FCHSD2: variants seen among roughly 807,000 people sequenced by gnomAD.
FCHSD2 encodes FCH and double SH3 domains 2, also known as F-BAR and double SH3 domains protein 2.
A neutral mutation model predicts 108.1 loss-of-function variants in FCHSD2; 38 were observed. That is an observed-to-expected ratio of 0.35 (90% CI 0.27 to 0.46). FCHSD2 has a LOEUF of 0.46. Among genes scored for constraint, FCHSD2 ranks in the 20% least tolerant of loss-of-function variants. The probability of loss-of-function intolerance (pLI) is 1.00; values close to 1 mark genes in which losing one functional copy is unlikely to be tolerated. For missense variants in FCHSD2, 751 were observed against 897.8 expected (o/e 0.84, Z 2.09); for synonymous variants, 279 against 314.7 (o/e 0.89, Z 1.20).
intron 13 of FCHSD2, among the ~76,000 whole-genome samples, chr11:72,862,383 G>A (rs924242558): frequency 6.6e-6 from 1 of 152,202 alleles, no homozygotes. Flanking sequence ...TAATAAGTGA[G>A]TTTAGCAAGA....
intron 3 of FCHSD2, among the ~76,000 whole-genome samples, chr11:73,016,188 A>G (rs2135433719): frequency 6.6e-6 from 1 of 152,092 alleles, no homozygotes; most frequent in Middle Eastern, 3.4e-3. Context: ...CTGTAGTCCC[A>G]GCTACTTGGG....
intron 8 of FCHSD2, among the ~76,000 whole-genome samples, chr11:72,926,189 G>A (rs1856072304): frequency 6.6e-6 from 1 of 152,152 alleles, no homozygotes; most frequent in East Asian, 1.9e-4. Context: ...GGGAGGGCCT[G>A]AAGACTGGGG....
intron 3 of FCHSD2, among the ~76,000 whole-genome samples, chr11:73,075,461 G>A (rs1042820030): frequency 6.6e-6 from 1 of 152,158 alleles, no homozygotes; most frequent in Non-Finnish European, 1.5e-5. Context: ...ACTAGAACTA[G>A]AACCTTCATG....
intron 5 of FCHSD2, among the ~76,000 whole-genome samples, chr11:72,992,017 G>A (rs1327113979): frequency 3.9e-5 from 6 of 152,136 alleles, no homozygotes; most frequent in East Asian, 3.8e-4. Flanking sequence ...AAACCCCATC[G>A]TCTCAGCCCA....
intron 3 of FCHSD2, among the ~76,000 whole-genome samples, chr11:73,034,057 T>C (rs1258854858): frequency 6.6e-6 from 1 of 152,202 alleles, no homozygotes; most frequent in East Asian, 1.9e-4. Flanking sequence ...CTTTTTTCTT[T>C]CTAAAGTTTT....
At chr11:72,983,211 GT>G (rs1314366154) in intron 8 of FCHSD2, among the ~76,000 whole-genome samples, 1 of 150,914 alleles carries the variant, frequency 6.6e-6, no homozygotes, top group Non-Finnish European at 1.5e-5. Flanking sequence ...GGAGAATGGC[GT>G]GAACCCGGGA....
At position 72,904,070 on chromosome 11, in the gene FCHSD2, T is replaced by C. The variant is rs531667620; in HGVS notation, c.829-1432A>G. ...CATAATTAAAATACACCACGGAGTG[T>C]GTAAAGGGTACGAGAAGAGAACAAG... On this transcript the variant is annotated intron_variant, in intron 9 of 19. Coordinates refer to ENST00000409418, the MANE Select transcript of FCHSD2 (RefSeq NM_014824.3). Among the ~76,000 whole-genome samples, 11 of 152,230 alleles carry C rather than the reference T, an allele frequency of 7.2e-5. No individual in the cohort carries two copies. In the South Asian group the frequency reaches 2.3e-3, roughly 32 times the overall value.
intron 2 of FCHSD2, among the ~76,000 whole-genome samples, chr11:73,107,769 G>A (rs1860380192): frequency 6.6e-6 from 1 of 152,158 alleles, no homozygotes; most frequent in African/African-American, 2.4e-5. Flanking sequence ...TGTTGCAAAG[G>A]ACAGAATCTC....
intron 8 of FCHSD2, among the ~76,000 whole-genome samples, chr11:72,962,010 T>C: frequency 6.6e-6 from 1 of 152,252 alleles, no homozygotes; most frequent in East Asian, 1.9e-4. Context: ...TAAGCATTGT[T>C]ATTGAAACCT....
intron 3 of FCHSD2, among the ~76,000 whole-genome samples, chr11:73,040,456 C>T (rs1858608034): frequency 6.6e-6 from 1 of 152,120 alleles, no homozygotes; most frequent in Admixed American, 6.5e-5. Flanking sequence ...TCTCAAACAC[C>T]ATACAGTTTA....
chr11:72,918,447 C>T (rs1177288677), intron 9 of FCHSD2, among the ~76,000 whole-genome samples: 1 of 151,916 alleles, frequency 6.6e-6, no homozygotes, highest in Non-Finnish European at 1.5e-5. Context: ...AAATGGGTAT[C>T]CTTGTTTTGT....
At chr11:72,903,965 A>C (rs1489468074) in intron 9 of FCHSD2, among the ~76,000 whole-genome samples, 1 of 152,238 alleles carries the variant, frequency 6.6e-6, no homozygotes, top group East Asian at 1.9e-4. Flanking sequence ...AGGGGGATAT[A>C]TAGATGAATA....
chr11:72,927,583 A>T (rs955237401), intron 8 of FCHSD2, among the ~76,000 whole-genome samples: 3 of 152,230 alleles, frequency 2.0e-5, no homozygotes, highest in Admixed American at 2.0e-4. Context: ...ACAGTAACAC[A>T]AATTGTTGGG....
chr11:72,960,922 G>C (rs1856807922), intron 8 of FCHSD2, among the ~76,000 whole-genome samples: 1 of 152,200 alleles, frequency 6.6e-6, no homozygotes, highest in South Asian at 2.1e-4. Context: ...CTTAGGGAAA[G>C]AGGCACACAT....
chr11:73,129,039 T>G (rs935736275), intron 2 of FCHSD2, among the ~76,000 whole-genome samples: 1 of 151,522 alleles, frequency 6.6e-6, no homozygotes. Context: ...GCCTGGCTAA[T>G]TTTTTGTATT....
chr11:72,995,380 G>A (rs944226423), intron 5 of FCHSD2, among the ~76,000 whole-genome samples: 3 of 152,032 alleles, frequency 2.0e-5, no homozygotes, highest in Admixed American at 6.6e-5. Context: ...CTAAAAGCAG[G>A]CTCCATGGCT....
intron 10 of FCHSD2, chr11:72,900,224 A>AAACCAACCCCCCCTT: frequency 8.6e-6 from 5 of 582,246 alleles, no homozygotes; most frequent in South Asian, 1.6e-5. Context: ...CACACTTCCC[A>AAACCAACCCCCCCTT]TCCCTCCCGC....
At chr11:72,868,211 A>G (rs1211739962) in intron 12 of FCHSD2, among the ~76,000 whole-genome samples, 185 bp from the exon 13 acceptor site, 3 of 152,216 alleles carry the variant, frequency 2.0e-5, no homozygotes, top group African/African-American at 7.2e-5. Context: ...ACATGAATGC[A>G]GCTGCAAGCC....
At chr11:73,033,657 C>T (rs1298128562) in intron 3 of FCHSD2, among the ~76,000 whole-genome samples, 1 of 151,920 alleles carries the variant, frequency 6.6e-6, no homozygotes, top group Non-Finnish European at 1.5e-5. Context: ...ATTAAATACT[C>T]AAACTATGGA....
Sources: gnomAD v4.1 joint callset for allele counts (sites outside exome capture counted in the v4.1 genomes callset) on GRCh38, gnomAD v4.1.1 for gene constraint, MANE v1.5 for transcripts, NCBI Gene and HGNC (gene_info 2026-07-23, HGNC 2026-07-21) for gene names.